AP3B1: variants seen among roughly 807,000 people sequenced by gnomAD.
AP3B1 encodes the protein adaptor related protein complex 3 subunit beta 1, also known as AP-3 complex subunit beta-1.
In AP3B1, 61 loss-of-function variants were observed where a neutral mutation model predicts 132.5. That is an observed-to-expected ratio of 0.46 (90% confidence interval 0.37 to 0.57). The LOEUF (loss-of-function observed/expected upper bound fraction) is 0.57. Among genes scored for constraint, AP3B1 ranks in the 20% least tolerant of loss-of-function variants. The pLI, the probability that AP3B1 is intolerant of heterozygous loss-of-function variation, is 0.00. For synonymous variants in AP3B1, 388 were observed against 438.3 expected, an observed-to-expected ratio of 0.89 and a Z score of 1.43; for missense variants, 1,120 against 1,289.4, an observed-to-expected ratio of 0.87 and a Z score of 2.01.
At chr5:78,097,292 T>G (rs1218472049) in intron 21 of AP3B1, among the ~76,000 whole-genome samples, 2 of 88,660 alleles carry the variant, frequency 2.3e-5, no homozygotes, top group Admixed American at 1.2e-4. Context: ...GGTGGGGGGG[T>G]CAGCCCCCCG....
In AP3B1 at chr5:78,149,424, G is replaced by A. The variant is rs142878979; in HGVS notation, c.1473+6834C>T. Among the ~76,000 whole-genome samples the A allele has an allele frequency of 4.4e-3, 673 of 152,216 alleles. 3 individuals are homozygous for A. The highest frequency in any genetic ancestry group is 0.015 in the African/African-American group (626 of 41,542). ...ATAATTTATATTTTTAAGGTACTTAGAATAGTGCCTGGCAAATGATATGCT... is the reference window on the plus strand; with the variant it reads ...ATAATTTATATTTTTAAGGTACTTAAAATAGTGCCTGGCAAATGATATGCT... On this transcript the variant is annotated intron_variant, in intron 14 of 26. Coordinates refer to ENST00000255194, the MANE Select transcript of AP3B1 (RefSeq NM_003664.5).
chr5:78,156,178 C>A, intron 14 of AP3B1, 80 bp downstream of exon 14: 1 of 1,001,036 alleles, frequency 1.0e-6, no homozygotes, highest in Non-Finnish European at 1.6e-6. Context: ...TAACCATTAC[C>A]CTTTAGGCTG....
At chr5:78,076,488 C>A (rs1749773200) in intron 22 of AP3B1, among the ~76,000 whole-genome samples, 1 of 152,142 alleles carries the variant, frequency 6.6e-6, no homozygotes, top group South Asian at 2.1e-4. Context: ...TCATGGTGGG[C>A]CCTTTGGGAC....
chr5:78,163,050 T>C (rs911242880), intron 12 of AP3B1, 99 bp from the exon 13 acceptor site: 2 of 1,135,908 alleles, frequency 1.8e-6, no homozygotes, highest in South Asian at 1.3e-5. Context: ...AATTCCAGAA[T>C]ACATAAACTT....
At chr5:78,190,259 T>C (rs1744774064) in intron 7 of AP3B1, among the ~76,000 whole-genome samples, 1 of 152,186 alleles carries the variant, frequency 6.6e-6, no homozygotes, top group Non-Finnish European at 1.5e-5. Flanking sequence ...GAAATTTCAG[T>C]TTGGTTCTAC....
chr5:78,015,264 C>T, intron 26 of AP3B1, 146 bp downstream of exon 26: 1 of 837,812 alleles, frequency 1.2e-6, no homozygotes, highest in Non-Finnish European at 1.8e-6. Context: ...CAATCAACAA[C>T]TATACCATCA....
chr5:78,170,443 G>A (rs548793835), intron 11 of AP3B1, among the ~76,000 whole-genome samples: 6 of 152,194 alleles, frequency 3.9e-5, no homozygotes, highest in East Asian at 1.9e-4. Context: ...TTTAATGATC[G>A]CCATACTAAC....
chr5:78,012,257 AGTG>A (rs1387456154), intron 26 of AP3B1, among the ~76,000 whole-genome samples: 11 of 151,992 alleles, frequency 7.2e-5, no homozygotes, highest in Admixed American at 1.3e-4. Flanking sequence ...ATTTCAATAA[AGTG>A]GTAAACAGTT....
intron 11 of AP3B1, among the ~76,000 whole-genome samples, chr5:78,170,821 C>T (rs1192501694): frequency 6.6e-6 from 1 of 152,094 alleles, no homozygotes; most frequent in African/African-American, 2.4e-5. Flanking sequence ...CCTATGTCCT[C>T]AATGGTATTC....
chr5:78,028,003 G>A (rs1747405863), intron 24 of AP3B1, among the ~76,000 whole-genome samples: 1 of 152,026 alleles, frequency 6.6e-6, no homozygotes, highest in African/African-American at 2.4e-5. Context: ...GCGCGTGCCT[G>A]TAATCCAAGC....
chr5:78,077,651 A>C (rs1170534988), intron 22 of AP3B1, among the ~76,000 whole-genome samples: 1 of 151,694 alleles, frequency 6.6e-6, no homozygotes, highest in Non-Finnish European at 1.5e-5. Flanking sequence ...CCACACCCCA[A>C]GCCTTCAGGT....
chr5:78,265,365 C>T (rs1338588607), intron 2 of AP3B1, among the ~76,000 whole-genome samples: 3 of 152,020 alleles, frequency 2.0e-5, no homozygotes, highest in African/African-American at 7.2e-5. Flanking sequence ...ATCGCTTGGG[C>T]TCAGGAGTTC....
At chr5:78,065,161 C>G (rs1453917768) in intron 22 of AP3B1, among the ~76,000 whole-genome samples, 7 of 152,166 alleles carry the variant, frequency 4.6e-5, no homozygotes, top group Non-Finnish European at 1.0e-4. Context: ...GCCCAGGAAA[C>G]CACGCCTTTT....
chr5:78,169,172 TA>T (rs1743797160), intron 11 of AP3B1, among the ~76,000 whole-genome samples: 4 of 152,190 alleles, frequency 2.6e-5, no homozygotes. Context: ...TATAGATTTA[TA>T]TTCCTAACTG....
chr5:78,221,603 TTAAAGAAAGGTAGAA>T (rs1746180005), intron 6 of AP3B1, among the ~76,000 whole-genome samples: 1 of 151,394 alleles, frequency 6.6e-6, no homozygotes, highest in Admixed American at 6.6e-5. Context: ...AAAAGGGGTA[TTAAAGAAAGGTAGAA>T]AAAGAACCAA....
intron 22 of AP3B1, chr5:78,087,518 C>T (rs1326012116): frequency 2.0e-6 from 2 of 983,752 alleles, no homozygotes; most frequent in East Asian, 1.1e-4. Flanking sequence ...TTTATTGTTG[C>T]TGGTGAACTT....
intron 1 of AP3B1, among the ~76,000 whole-genome samples, chr5:78,274,627 A>T (rs554476141): frequency 6.6e-6 from 1 of 152,272 alleles, no homozygotes; most frequent in East Asian, 1.9e-4. Flanking sequence ...AAAATCTTAA[A>T]AGCATCCAGA....
intron 26 of AP3B1, among the ~76,000 whole-genome samples, chr5:78,006,794 C>A (rs558349394): frequency 4.7e-4 from 72 of 152,158 alleles, no homozygotes; most frequent in Non-Finnish European, 8.4e-4. Flanking sequence ...TAATCACCAA[C>A]TGAGAAGGTA....
At chr5:78,193,541 G>T (rs1744927440) in intron 7 of AP3B1, among the ~76,000 whole-genome samples, 1 of 151,050 alleles carries the variant, frequency 6.6e-6, no homozygotes, top group African/African-American at 2.4e-5. Context: ...ACACAAAAGA[G>T]AATTCTAATA....
Sources: allele counts gnomAD v4.1 joint callset (sites outside exome capture counted in the v4.1 genomes callset), GRCh38; gene constraint gnomAD v4.1.1; transcripts MANE v1.5; gene names NCBI Gene and HGNC (gene_info 2026-07-23, HGNC 2026-07-21).